PPP1R9A: variants seen among roughly 807,000 people sequenced by gnomAD.
PPP1R9A encodes the protein neurabin-1.
A neutral mutation model predicts 141.9 loss-of-function variants in PPP1R9A; 59 were observed. The observed-to-expected ratio is 0.42, with a 90% CI of 0.34 to 0.52. The LOEUF is 0.52. Among genes scored for constraint, PPP1R9A ranks in the 20% least tolerant of loss-of-function variants. The probability of loss-of-function intolerance (pLI) is 0.10; values close to 1 mark genes in which losing one functional copy is unlikely to be tolerated. For synonymous variants in PPP1R9A, 500 were observed against 569.7 expected, an observed-to-expected ratio of 0.88 and a Z score of 1.74; for missense variants, 1,444 against 1,611.9, an observed-to-expected ratio of 0.90 and a Z score of 1.78.
At chr7:94,956,353 A>C (rs1797069414) in intron 2 of PPP1R9A, among the ~76,000 whole-genome samples, 1 of 152,108 alleles carries the variant, frequency 6.6e-6, no homozygotes, top group Admixed American at 6.6e-5. Context: ...GTAGAATTTT[A>C]GATCTTTTAT....
chr7:94,967,206 T>G (rs1025109707), intron 2 of PPP1R9A, among the ~76,000 whole-genome samples: 16 of 152,128 alleles, frequency 1.1e-4, no homozygotes, highest in African/African-American at 3.9e-4. Flanking sequence ...ATCTTATCCC[T>G]TTTTTTCTTT....
intron 7 of PPP1R9A, among the ~76,000 whole-genome samples, chr7:95,219,202 G>C (rs1330878691): frequency 2.0e-5 from 3 of 152,054 alleles, no homozygotes; most frequent in Non-Finnish European, 4.4e-5. Context: ...TGTCTGTAAA[G>C]GATTTTATTT....
In PPP1R9A at chr7:95,210,515, G is replaced by A. The variant is rs563888815; in HGVS notation, c.1956+6785G>A. Among the ~76,000 whole-genome samples, 10 of 151,804 alleles carry A rather than the reference G, an allele frequency of 6.6e-5. No homozygotes were observed. In the East Asian group the frequency reaches 2.0e-3, roughly 30 times the overall value. ...GAGTCTTGCTCTGTCGCTCAGGCTG[G>A]AGTGCAGTGGCATGATCTCAGCTCA... On this transcript the variant is annotated intron_variant, in intron 7 of 19. Transcript: ENST00000433360.
intron 2 of PPP1R9A, among the ~76,000 whole-genome samples, chr7:95,082,766 CTTTTTTTTTTTT>C (rs1159814204): frequency 9.1e-6 from 1 of 109,518 alleles, no homozygotes; most frequent in Non-Finnish European, 1.7e-5. Flanking sequence ...GAAGGGATTT[CTTTTTTTTTTTT>C]TTTTTTTTTT....
intron 5 of PPP1R9A, among the ~76,000 whole-genome samples, chr7:95,184,025 A>G (rs906569732): frequency 6.6e-6 from 1 of 152,154 alleles, no homozygotes; most frequent in Non-Finnish European, 1.5e-5. Context: ...AGCTCTCAAT[A>G]TAGAAAGGAA....
intron 8 of PPP1R9A, among the ~76,000 whole-genome samples, chr7:95,243,713 G>C (rs1797760178): frequency 6.6e-6 from 1 of 152,082 alleles, no homozygotes; most frequent in African/African-American, 2.4e-5. Flanking sequence ...GTTTCTAGTG[G>C]GAACTTGAAA....
intron 14 of PPP1R9A, among the ~76,000 whole-genome samples, chr7:95,272,639 T>C (rs1021874912): frequency 4.6e-5 from 7 of 152,186 alleles, no homozygotes; most frequent in African/African-American, 1.7e-4. Flanking sequence ...TTTGTCAGTG[T>C]CCTGTGCTGC....
chr7:95,064,345 G>A (rs1812663688), intron 2 of PPP1R9A, among the ~76,000 whole-genome samples: 1 of 152,102 alleles, frequency 6.6e-6, no homozygotes, highest in Admixed American at 6.6e-5. Context: ...TATTTGATAC[G>A]AATATTTTCT....
chr7:95,168,769 T>G (rs1474070740), intron 5 of PPP1R9A, among the ~76,000 whole-genome samples: 1 of 151,906 alleles, frequency 6.6e-6, no homozygotes, highest in East Asian at 1.9e-4. Flanking sequence ...TAGAAATGAC[T>G]GATATATGTG....
chr7:95,225,344 T>A (rs1458497794), intron 7 of PPP1R9A, among the ~76,000 whole-genome samples: 1 of 152,154 alleles, frequency 6.6e-6, no homozygotes, highest in Non-Finnish European at 1.5e-5. Context: ...TTTTCTCACA[T>A]TGACAGAATA....
intron 2 of PPP1R9A, among the ~76,000 whole-genome samples, chr7:95,072,719 TG>T (rs1428401477): frequency 3.6e-5 from 4 of 111,646 alleles, no homozygotes; most frequent in Non-Finnish European, 5.1e-5. Context: ...ATATATTATA[TG>T]TATATTTATT....
At chr7:95,038,021 A>G (rs1029961703) in intron 2 of PPP1R9A, among the ~76,000 whole-genome samples, 5 of 151,508 alleles carry the variant, frequency 3.3e-5, no homozygotes, top group Non-Finnish European at 5.9e-5. Flanking sequence ...CTGAGGTAGG[A>G]AGATTGCTTG....
chr7:95,214,117 T>C (rs1410909071), intron 7 of PPP1R9A: 1 of 152,176 alleles, frequency 6.6e-6, no homozygotes, highest in Non-Finnish European at 1.5e-5. Flanking sequence ...GCATCCCTCT[T>C]CAATTTGCTG....
At chr7:95,229,734 C>T (rs1451643643) in intron 8 of PPP1R9A, among the ~76,000 whole-genome samples, 1 of 152,092 alleles carries the variant, frequency 6.6e-6, no homozygotes, top group African/African-American at 2.4e-5. Context: ...CTCTGTGGCC[C>T]TGCTGACTGC....
At chr7:94,977,772 T>C (rs1367450115) in intron 2 of PPP1R9A, among the ~76,000 whole-genome samples, 1 of 150,052 alleles carries the variant, frequency 6.7e-6, no homozygotes, top group Non-Finnish European at 1.5e-5. Flanking sequence ...TTCTTTTTTT[T>C]TTTTTTTTGA....
intron 7 of PPP1R9A, among the ~76,000 whole-genome samples, chr7:95,223,449 C>T (rs1337279196): frequency 6.6e-6 from 1 of 151,942 alleles, no homozygotes; most frequent in Non-Finnish European, 1.5e-5. Flanking sequence ...GACCACAGTT[C>T]ATTTTCTTGA....
At chr7:94,960,169 C>CTTTTTTTTT (rs545105548) in intron 2 of PPP1R9A, among the ~76,000 whole-genome samples, 1 of 139,536 alleles carries the variant, frequency 7.2e-6, no homozygotes, top group African/African-American at 2.6e-5. Context: ...CTCTCTCTCT[C>CTTTTTTTTT]TTTTTTTTTT....
At chr7:95,285,287 G>A (rs1021337826) in intron 17 of PPP1R9A, among the ~76,000 whole-genome samples, 1 of 152,216 alleles carries the variant, frequency 6.6e-6, no homozygotes, top group Non-Finnish European at 1.5e-5. Context: ...AGTGCTTAGA[G>A]TTCCTGGAAA....
intron 2 of PPP1R9A, among the ~76,000 whole-genome samples, chr7:95,039,291 C>G (rs1176023068): frequency 2.0e-5 from 3 of 152,010 alleles, no homozygotes; most frequent in Non-Finnish European, 4.4e-5. Context: ...AAAAGGAGGC[C>G]AGGCACAGTG....
Sources: allele counts gnomAD v4.1 joint callset (sites outside exome capture counted in the v4.1 genomes callset), GRCh38; gene constraint gnomAD v4.1.1; transcripts MANE v1.5; gene names NCBI Gene and HGNC (gene_info 2026-07-23, HGNC 2026-07-21).